The following PRKCA variants were observed in gnomAD, a reference collection of about 807,000 sequenced individuals.
PRKCA encodes the protein protein kinase C alpha type.
PRKCA carries 27 observed loss-of-function variants against 87.0 expected under a neutral mutation model. The observed-to-expected ratio is 0.31, with a 90% CI of 0.23 to 0.43. PRKCA has a LOEUF of 0.43. PRKCA is among the 20% of genes least tolerant of loss of function. The pLI is 1.00. For missense variants in PRKCA, 518 were observed against 852.3 expected, an observed-to-expected ratio of 0.61 and a Z score of 4.88; for synonymous variants, 329 against 311.1, an observed-to-expected ratio of 1.06 and a Z score of -0.61.
chr17:66,781,887 A>ATATATATT (rs767300220), intron 14 of PRKCA, among the ~76,000 whole-genome samples: 1 of 125,548 alleles, frequency 8.0e-6, no homozygotes, highest in Non-Finnish European at 1.7e-5. Context: ...ATATATATAT[A>ATATATATT]GTGTGTGTGT....
chr17:66,475,524 A>T (rs1299076494), intron 2 of PRKCA, among the ~76,000 whole-genome samples: 1 of 152,128 alleles, frequency 6.6e-6, no homozygotes, highest in Non-Finnish European at 1.5e-5. Flanking sequence ...TAATTTAGCC[A>T]TGCAGGATGT....
At chr17:66,774,356 CA>C in intron 14 of PRKCA, 1 of 1,219,776 alleles carries the variant, frequency 8.2e-7, no homozygotes. Context: ...CGCGGTGGCT[CA>C]TGGCTATAAT....
chr17:66,803,103 G>T lies in PRKCA; in HGVS notation c.1855-770G>T, dbSNP rs183060353. 1.5e-3 allele frequency among the ~76,000 whole-genome samples: 236 copies of T among 152,308 alleles called. 1 individual carries two copies. The highest frequency in any genetic ancestry group is 5.2e-3 in the African/African-American group (217 of 41,570). ...GGCTGTGTGTCTCAGCGACCCCAGT[G>T]CAACAGTTCTGCCTGGAGTGGACCC... On this transcript the variant is annotated intron_variant, in intron 16 of 16. Transcript: ENST00000413366. This position sits in a 1 kb window ranked among gnomAD's most constrained non-coding sequence, Gnocchi z 4.4.
At position 66,729,660 on chromosome 17, in the gene PRKCA, G is replaced by A. The variant is rs114448881; in HGVS notation, c.919-3028G>A. Among the ~76,000 whole-genome samples the A allele has an allele frequency of 2.3e-3, 356 of 152,154 alleles. 1 individual carries two copies. Among genetic ancestry groups the A allele is most frequent in the African/African-American group, 8.1e-3 (337 of 41,518 alleles). ...CGTGTTTCACACTTTCAGTCTGGAA[G>A]CAAAAATATCAGGGCCATCTCTCCC... On this transcript the variant is annotated intron_variant, in intron 8 of 16. Transcript: ENST00000413366.
At chr17:66,409,033 C>CAAAAA (rs10661202) in intron 2 of PRKCA, among the ~76,000 whole-genome samples, 158 of 76,256 alleles carry the variant, frequency 2.1e-3, no homozygotes, top group Non-Finnish European at 2.8e-3. Flanking sequence ...TCCCCAGTCT[C>CAAAAA]AAAAAAAAAA....
chr17:66,553,168 G>C (rs552826770), intron 3 of PRKCA, among the ~76,000 whole-genome samples: 24 of 152,094 alleles, frequency 1.6e-4, no homozygotes, highest in Middle Eastern at 3.4e-3. Context: ...TTTTAGTAGA[G>C]GTGGGGTTTT....
chr17:66,491,414 A>G (rs78444686), intron 2 of PRKCA, among the ~76,000 whole-genome samples: 5,118 of 152,280 alleles, frequency 0.034, 301 homozygotes, highest in African/African-American at 0.12. Context: ...CCCCACGACA[A>G]TCATCAGATG....
intron 3 of PRKCA, among the ~76,000 whole-genome samples, chr17:66,621,152 A>G (rs1447676046): frequency 2.6e-5 from 4 of 152,160 alleles, no homozygotes; most frequent in East Asian, 1.9e-4. Flanking sequence ...TTTGTTCTCA[A>G]GATTCTGGAT....
At chr17:66,306,046 A>G (rs745590046) in intron 1 of PRKCA, 50 bp from the exon 2 acceptor site, 25 of 1,575,982 alleles carry the variant, frequency 1.6e-5, no homozygotes, top group African/African-American at 2.7e-5. Flanking sequence ...AAAATATGCT[A>G]TCCAACAGAA....
rs139239267 is a variant in PRKCA at position 66,603,447 on chromosome 17, A to G, written c.289-37908A>G. 3.6e-3 allele frequency among the ~76,000 whole-genome samples: 549 copies of G among 152,258 alleles called. 1 individual carries two copies. Among genetic ancestry groups the G allele is most frequent in the African/African-American group, 0.012 (489 of 41,556 alleles). ...TTTTCAAAACGGGTCCTTTTTATAT[A>G]CAAACGTTTGTCTAAATAGAGCATC... On this transcript the variant is annotated intron_variant, in intron 3 of 16. Coordinates refer to ENST00000413366, the MANE Select transcript of PRKCA (RefSeq NM_002737.3).
At chr17:66,663,872 G>T (rs1250153550) in intron 5 of PRKCA, among the ~76,000 whole-genome samples, 31 of 143,692 alleles carry the variant, frequency 2.2e-4, no homozygotes, top group East Asian at 4.1e-4. Context: ...TGATTTTGGG[G>T]TTTTTTTTTT....
At chr17:66,690,348 T>C (rs1972745079) in intron 8 of PRKCA, among the ~76,000 whole-genome samples, 1 of 152,084 alleles carries the variant, frequency 6.6e-6, no homozygotes, top group South Asian at 2.1e-4. Context: ...TGGTGGAGAC[T>C]GGGGTGAGCT....
intron 2 of PRKCA, among the ~76,000 whole-genome samples, chr17:66,309,645 C>G (rs1013615789): frequency 6.6e-6 from 1 of 152,180 alleles, no homozygotes; most frequent in Non-Finnish European, 1.5e-5. Flanking sequence ...GAGATAAAGA[C>G]AAGCGTGTTC....
chr17:66,515,934 G>A (rs1317861813), intron 3 of PRKCA, among the ~76,000 whole-genome samples: 3 of 152,044 alleles, frequency 2.0e-5, no homozygotes. Flanking sequence ...TTTGGTAGTT[G>A]TACTATGTCT....
At chr17:66,419,282 A>G (rs1404042726) in intron 2 of PRKCA, among the ~76,000 whole-genome samples, 1 of 152,188 alleles carries the variant, frequency 6.6e-6, no homozygotes, top group East Asian at 1.9e-4. Context: ...ATTGACTTAA[A>G]TGAAAGTGAA....
At chr17:66,371,418 A>G (rs749083369) in intron 2 of PRKCA, among the ~76,000 whole-genome samples, 2 of 152,138 alleles carry the variant, frequency 1.3e-5, no homozygotes, top group Non-Finnish European at 2.9e-5. Flanking sequence ...ATCTTCCTCA[A>G]TGGAAACCGG....
At chr17:66,412,337 G>T (rs764414540) in intron 2 of PRKCA, among the ~76,000 whole-genome samples, 2 of 152,134 alleles carry the variant, frequency 1.3e-5, no homozygotes, top group Admixed American at 1.3e-4. Flanking sequence ...GATTACAAGC[G>T]TGAGCCACTG....
chr17:66,645,512 G>A lies in PRKCA; in HGVS notation c.529+1G>A. 1.9e-6 allele frequency: 3 copies of A among 1,614,166 alleles called. No homozygotes were observed. The highest frequency in any genetic ancestry group is 2.5e-6 in the Non-Finnish European group (3 of 1,180,010). On this transcript the variant is annotated splice_donor_variant, in intron 5 of 16. Transcript: ENST00000413366. LOFTEE classifies it high-confidence loss of function. ...GCTGATGAAAAGCTCCATGTCACAG[G>A]TAAGGCTTGCTCATCCCGGAGCAGC...
intron 3 of PRKCA, among the ~76,000 whole-genome samples, chr17:66,638,673 C>T (rs775679540): frequency 6.6e-6 from 1 of 151,946 alleles, no homozygotes; most frequent in Non-Finnish European, 1.5e-5. Flanking sequence ...AAAGTGAAAC[C>T]CCGTCTCCAC....
Sources: allele counts gnomAD v4.1 joint callset (sites outside exome capture counted in the v4.1 genomes callset), GRCh38; gene constraint gnomAD v4.1.1; non-coding constraint Gnocchi (gnomAD v3.1); transcripts MANE v1.5; gene names NCBI Gene and HGNC (gene_info 2026-07-23, HGNC 2026-07-21).